CDK14: variants seen among roughly 807,000 people sequenced by gnomAD.
CDK14 encodes cyclin dependent kinase 14.
A neutral mutation model predicts 60.7 loss-of-function variants in CDK14; 34 were observed. The ratio of observed to expected loss-of-function variants is 0.56; its 90% CI spans 0.43 to 0.75. The LOEUF is 0.75. Ranked by LOEUF, CDK14 falls within the 30% of genes least tolerant of loss-of-function variation. CDK14 has a pLI of 0.00. For synonymous variants in CDK14, 197 were observed against 203.7 expected, an observed-to-expected ratio of 0.97 and a Z score of 0.28; for missense variants, 482 against 564.1, an observed-to-expected ratio of 0.85 and a Z score of 1.47.
intron 2 of CDK14, among the ~76,000 whole-genome samples, chr7:90,653,268 T>C (rs17875066): frequency 0.11 from 16,504 of 151,918 alleles, 1,109 homozygotes; most frequent in East Asian, 0.19. Flanking sequence ...ACAACCCCCC[T>C]CTGTTTCTTC....
chr7:91,058,638 T>C (rs1306502059), intron 11 of CDK14, among the ~76,000 whole-genome samples: 1 of 152,204 alleles, frequency 6.6e-6, no homozygotes, highest in Admixed American at 6.5e-5. Context: ...TGTCAAAGGC[T>C]TTTTCTGCAT....
intron 5 of CDK14, among the ~76,000 whole-genome samples, chr7:90,812,428 G>A (rs1314179442): frequency 2.0e-5 from 3 of 152,052 alleles, no homozygotes; most frequent in Non-Finnish European, 4.4e-5. Context: ...GAGAACACGT[G>A]GACACAGGAA....
At chr7:90,727,363 A>G (rs1005480551) in intron 3 of CDK14, among the ~76,000 whole-genome samples, 1 of 152,142 alleles carries the variant, frequency 6.6e-6, no homozygotes, top group African/African-American at 2.4e-5. Context: ...TAGATTCAGT[A>G]GGACCAAAGG....
chr7:90,882,193 T>G (rs1791779280), intron 6 of CDK14, among the ~76,000 whole-genome samples: 1 of 146,118 alleles, frequency 6.8e-6, no homozygotes, highest in Non-Finnish European at 1.5e-5. Flanking sequence ...AGGAGACCCA[T>G]CTCATGTGCA....
At chr7:90,604,191 T>C in intron 1 of CDK14, 27 bp from the exon 2 acceptor site, 1 of 1,479,042 alleles carries the variant, frequency 6.8e-7, no homozygotes, top group Non-Finnish European at 9.2e-7. Context: ...TCACAATAAC[T>C]GTTTCCTTTT....
chr7:91,097,320 G>A (rs1799022454), intron 12 of CDK14, among the ~76,000 whole-genome samples: 1 of 151,948 alleles, frequency 6.6e-6, no homozygotes, highest in South Asian at 2.1e-4. Context: ...GGCAGAGATT[G>A]TAGTGAGCCA....
At chr7:90,666,986 T>TTTTGCCATATTCTTTATCATCTAAC (rs1800993561) in intron 2 of CDK14, among the ~76,000 whole-genome samples, 1 of 152,194 alleles carries the variant, frequency 6.6e-6, no homozygotes, top group African/African-American at 2.4e-5. Flanking sequence ...CTTAGCAAGG[T>TTTTGCCATATTCTTTATCATCTAAC]TTTGCCATAT....
intron 10 of CDK14, among the ~76,000 whole-genome samples, chr7:90,987,284 A>T (rs1795399840): frequency 6.6e-6 from 1 of 152,144 alleles, no homozygotes; most frequent in Admixed American, 6.5e-5. Flanking sequence ...AAATCATTTT[A>T]AATTTCCCAT....
intron 4 of CDK14, among the ~76,000 whole-genome samples, chr7:90,775,722 T>TC (rs1562763951): frequency 8.3e-6 from 1 of 120,358 alleles, no homozygotes; most frequent in Non-Finnish European, 1.7e-5. Context: ...CTCCTCCTCC[T>TC]CTCCTCTCCT....
intron 6 of CDK14, among the ~76,000 whole-genome samples, chr7:90,874,621 C>T (rs1177081752): frequency 4.9e-5 from 7 of 142,628 alleles, no homozygotes; most frequent in African/African-American, 1.5e-4. Flanking sequence ...CTCCGCTTCC[C>T]GGGTTCACGC....
intron 14 of CDK14, among the ~76,000 whole-genome samples, chr7:91,200,759 C>T (rs1311409551): frequency 2.0e-5 from 3 of 152,112 alleles, no homozygotes; most frequent in South Asian, 2.1e-4. Flanking sequence ...GTTTAAAAGG[C>T]ATACAGCTAA....
At chr7:91,020,367 A>G (rs1383678356) in intron 10 of CDK14, among the ~76,000 whole-genome samples, 1 of 152,156 alleles carries the variant, frequency 6.6e-6, no homozygotes, top group Non-Finnish European at 1.5e-5. Context: ...TGCAACCAAT[A>G]TTTTTACCAC....
intron 3 of CDK14, among the ~76,000 whole-genome samples, chr7:90,739,958 G>C (rs1803275794): frequency 6.6e-6 from 1 of 152,092 alleles, no homozygotes; most frequent in Non-Finnish European, 1.5e-5. Flanking sequence ...CACAGGACTA[G>C]TCAGGCGACT....
intron 2 of CDK14, among the ~76,000 whole-genome samples, chr7:90,604,843 G>A (rs1309943467): frequency 6.6e-6 from 1 of 152,194 alleles, no homozygotes; most frequent in East Asian, 1.9e-4. Flanking sequence ...AGTCATTCCT[G>A]AATTTTTGTA....
rs145561985 is a variant in CDK14, at chr7:90,837,449, G to A, written c.545-25726G>A. 3.2e-4 allele frequency among the ~76,000 whole-genome samples: 48 copies of A among 151,708 alleles called. 2 individuals carry two copies. The East Asian group carries it at 6.2e-3, about 20-fold the overall frequency. On this transcript the variant is annotated intron_variant, in intron 5 of 14. Coordinates refer to ENST00000380050, the MANE Select transcript of CDK14 (RefSeq NM_001287135.2). ...ACTGCAGGTGCCCACCACCACACCC[G>A]GCTAATTAAATAATATTTCTAAGTG...
At chr7:90,893,575 G>C (rs1202319002) in intron 6 of CDK14, among the ~76,000 whole-genome samples, 1 of 152,136 alleles carries the variant, frequency 6.6e-6, no homozygotes, top group East Asian at 1.9e-4. Flanking sequence ...TTCTGGATAA[G>C]TGCAAATCAT....
At chr7:90,782,553 G>T (rs537686094) in intron 4 of CDK14, among the ~76,000 whole-genome samples, 6 of 152,094 alleles carry the variant, frequency 3.9e-5, no homozygotes, top group Non-Finnish European at 8.8e-5. Flanking sequence ...ACATGCCTCA[G>T]TCGTTTTTGT....
intron 12 of CDK14, among the ~76,000 whole-genome samples, chr7:91,097,806 T>TG (rs1799039531): frequency 6.6e-6 from 1 of 152,170 alleles, no homozygotes; most frequent in African/African-American, 2.4e-5. Context: ...AGATCACATG[T>TG]GAAAAACATC....
chr7:90,986,783 T>G (rs1346514009), intron 10 of CDK14, among the ~76,000 whole-genome samples: 1 of 151,984 alleles, frequency 6.6e-6, no homozygotes, highest in African/African-American at 2.4e-5. Flanking sequence ...ATGATAATAA[T>G]AGTATAACCA....
Sources: allele counts gnomAD v4.1 joint callset (sites outside exome capture counted in the v4.1 genomes callset), GRCh38; gene constraint gnomAD v4.1.1; transcripts MANE v1.5; gene names NCBI Gene and HGNC (gene_info 2026-07-23, HGNC 2026-07-21).